NUBPL: variants seen among roughly 807,000 people sequenced by gnomAD.
The protein encoded by NUBPL is iron-sulfur cluster transfer protein NUBPL.
NUBPL carries 31 observed loss-of-function variants against 45.7 expected under a neutral mutation model. That is an observed-to-expected ratio of 0.68 (90% CI 0.51 to 0.92). The LOEUF is 0.92. Among genes scored for constraint, NUBPL ranks in the 40% least tolerant of loss-of-function variants. NUBPL has a pLI of 0.00. For missense variants in NUBPL, 401 were observed against 398.7 expected, an observed-to-expected ratio of 1.01 and a Z score of -0.05; for synonymous variants, 144 against 140.9, an observed-to-expected ratio of 1.02 and a Z score of -0.15.
intron 4 of NUBPL, among the ~76,000 whole-genome samples, chr14:31,606,546 A>T (rs1471167788): frequency 2.0e-5 from 3 of 152,158 alleles, no homozygotes; most frequent in South Asian, 2.1e-4. Context: ...TATCCAAAGC[A>T]TGGAGTTCCC....
intron 4 of NUBPL, among the ~76,000 whole-genome samples, chr14:31,617,969 A>T (rs908653917): frequency 6.6e-6 from 1 of 152,008 alleles, no homozygotes; most frequent in Non-Finnish European, 1.5e-5. Flanking sequence ...TTTTTGGTCT[A>T]TTCAGGGATT....
intron 6 of NUBPL, among the ~76,000 whole-genome samples, chr14:31,716,786 C>G (rs544558405): frequency 6.6e-6 from 1 of 152,236 alleles, no homozygotes; most frequent in East Asian, 1.9e-4. Flanking sequence ...GAAAGTCTTC[C>G]TTCTTTTCTT....
chr14:31,774,336 GAAACTGCTTGTGGT>G (rs1028211251), intron 6 of NUBPL, among the ~76,000 whole-genome samples: 5 of 152,218 alleles, frequency 3.3e-5, no homozygotes, highest in Non-Finnish European at 7.3e-5. Flanking sequence ...CTGATTGTGG[GAAACTGCTTGTGGT>G]AAACTGCTTG....
intron 6 of NUBPL, among the ~76,000 whole-genome samples, chr14:31,708,418 G>C (rs1236347316): frequency 6.6e-6 from 1 of 152,168 alleles, no homozygotes; most frequent in Non-Finnish European, 1.5e-5. Flanking sequence ...TCTTCAGGTA[G>C]GGGACAACAA....
chr14:31,746,358 A>G (rs907653836), intron 6 of NUBPL, among the ~76,000 whole-genome samples: 1 of 152,102 alleles, frequency 6.6e-6, no homozygotes, highest in South Asian at 2.1e-4. Context: ...GTTTAGATAC[A>G]TACTTTCTGT....
Position 31,732,199 on chromosome 14 carries a change from A to AAAAAAAAAAAAAAAAAAAG in NUBPL, c.514-55577_514-55576insAAAAAAAAAAAAAAGAAAA. Among the ~76,000 whole-genome samples the AAAAAAAAAAAAAAAAAAAG allele has an allele frequency of 1.3e-5, 2 of 150,074 alleles. 1 individual carries two copies. Among genetic ancestry groups the AAAAAAAAAAAAAAAAAAAG allele is most frequent in the African/African-American group, 4.9e-5 (2 of 40,806 alleles). ...ACAGAGCAAGACTCTGTCTCAAAAA[A>AAAAAAAAAAAAAAAAAAAG]AAAATGAAAGAAAGAAAAGGAAACT... On this transcript the variant is annotated intron_variant, in intron 6 of 10. Transcript: ENST00000281081.
chr14:31,749,449 T>G (rs1034660289), intron 6 of NUBPL, among the ~76,000 whole-genome samples: 1 of 152,216 alleles, frequency 6.6e-6, no homozygotes, highest in African/African-American at 2.4e-5. Flanking sequence ...TTCATCTTCA[T>G]TTCCGATTTT....
chr14:31,631,846 A>G (rs1312161001), intron 4 of NUBPL, among the ~76,000 whole-genome samples: 1 of 151,722 alleles, frequency 6.6e-6, no homozygotes, highest in Admixed American at 6.6e-5. Flanking sequence ...TACTTAGTTT[A>G]CCAATTCAAA....
chr14:31,651,695 G>A (rs1458309932), intron 4 of NUBPL, among the ~76,000 whole-genome samples: 2 of 152,042 alleles, frequency 1.3e-5, no homozygotes, highest in Admixed American at 6.5e-5. Flanking sequence ...TCAGGAGATC[G>A]AGACAATCCT....
chr14:31,662,953 A>G (rs1344014795), intron 4 of NUBPL, among the ~76,000 whole-genome samples: 1 of 152,222 alleles, frequency 6.6e-6, no homozygotes, highest in East Asian at 1.9e-4. Context: ...ATGAGATGCT[A>G]TCTCATTGTG....
intron 4 of NUBPL, among the ~76,000 whole-genome samples, chr14:31,628,486 G>A (rs2035263445): frequency 6.6e-6 from 1 of 152,108 alleles, no homozygotes; most frequent in African/African-American, 2.4e-5. Context: ...CTCATAGTAG[G>A]CAGTTAAAGG....
chr14:31,648,688 G>A (rs923790371), intron 4 of NUBPL, among the ~76,000 whole-genome samples: 1 of 152,200 alleles, frequency 6.6e-6, no homozygotes, highest in Non-Finnish European at 1.5e-5. Context: ...ACATTTGGTT[G>A]TGAACGAAGG....
intron 6 of NUBPL, among the ~76,000 whole-genome samples, chr14:31,731,873 A>G (rs1320341926): frequency 1.3e-5 from 2 of 152,130 alleles, no homozygotes; most frequent in African/African-American, 4.8e-5. Context: ...TTGGAATTCT[A>G]GCTAGCTCTC....
chr14:31,798,481 T>C (rs1176478000), intron 7 of NUBPL, among the ~76,000 whole-genome samples: 8 of 151,912 alleles, frequency 5.3e-5, no homozygotes, highest in Non-Finnish European at 8.8e-5. Context: ...TGTTCCATTG[T>C]AATACAGTAA....
intron 4 of NUBPL, among the ~76,000 whole-genome samples, chr14:31,611,739 C>A (rs954448232): frequency 6.6e-6 from 1 of 151,786 alleles, no homozygotes; most frequent in Non-Finnish European, 1.5e-5. Context: ...ACGAATAGAA[C>A]CAAATAAAGA....
intron 7 of NUBPL, among the ~76,000 whole-genome samples, chr14:31,802,195 G>C (rs1218807690): frequency 6.6e-6 from 1 of 152,152 alleles, no homozygotes; most frequent in Non-Finnish European, 1.5e-5. Context: ...GTTCTCTCCA[G>C]AGCAGGTTGT....
intron 6 of NUBPL, among the ~76,000 whole-genome samples, chr14:31,773,414 T>G (rs1430426): frequency 0.92 from 139,303 of 152,026 alleles, 63,810 homozygotes; most frequent in East Asian, 1. Context: ...ATTGTGGAGG[T>G]ATGGATCTGG....
At chr14:31,776,865 G>T (rs2039106783) in intron 6 of NUBPL, among the ~76,000 whole-genome samples, 1 of 152,190 alleles carries the variant, frequency 6.6e-6, no homozygotes, top group Non-Finnish European at 1.5e-5. Context: ...TAGTGCTCAG[G>T]ATTATGTTTC....
intron 6 of NUBPL, among the ~76,000 whole-genome samples, chr14:31,675,883 T>C (rs1357456473): frequency 6.6e-6 from 1 of 152,218 alleles, no homozygotes; most frequent in Non-Finnish European, 1.5e-5. Flanking sequence ...TCAAACTAAA[T>C]AGCATTTCCA....
Sources: allele counts gnomAD v4.1 joint callset (sites outside exome capture counted in the v4.1 genomes callset), GRCh38; gene constraint gnomAD v4.1.1; transcripts MANE v1.5; gene names NCBI Gene and HGNC (gene_info 2026-07-23, HGNC 2026-07-21).